VCAN: variants seen among roughly 807,000 people sequenced by gnomAD.
VCAN encodes the protein versican, also known as versican core protein.
VCAN carries 44 observed loss-of-function variants against 245.5 expected under a neutral mutation model. That is an observed-to-expected ratio of 0.18 (90% CI 0.14 to 0.23). VCAN has a LOEUF of 0.23. Ranked by LOEUF, VCAN falls within the 10% of genes least tolerant of loss-of-function variation. The pLI, the probability that VCAN is intolerant of heterozygous loss-of-function variation, is 1.00. For synonymous variants in VCAN, 1,413 were observed against 1,437.0 expected, an observed-to-expected ratio of 0.98 and a Z score of 0.38; for missense variants, 3,793 against 4,057.9, an observed-to-expected ratio of 0.93 and a Z score of 1.77.
chr5:83,488,812 T>A (rs1350007789), intron 2 of VCAN, among the ~76,000 whole-genome samples: 1 of 152,250 alleles, frequency 6.6e-6, no homozygotes, highest in East Asian at 1.9e-4. Flanking sequence ...TGATTTATAT[T>A]GTAAGTACAT....
chr5:83,483,233 C>T (rs747306422), intron 1 of VCAN, among the ~76,000 whole-genome samples: 2 of 152,228 alleles, frequency 1.3e-5, no homozygotes, highest in Non-Finnish European at 2.9e-5. Flanking sequence ...GGTTGTCACA[C>T]ACATCCACAT....
chr5:83,570,054 A>G (rs1748232213), intron 12 of VCAN, among the ~76,000 whole-genome samples: 1 of 152,072 alleles, frequency 6.6e-6, no homozygotes, highest in African/African-American at 2.4e-5. Context: ...AAGGGAAATA[A>G]TTAGAAACCC....
intron 5 of VCAN, among the ~76,000 whole-genome samples, chr5:83,504,597 G>A (rs1745428395): frequency 6.6e-6 from 1 of 152,000 alleles, no homozygotes; most frequent in Non-Finnish European, 1.5e-5. Flanking sequence ...GGCCAGTCTG[G>A]TCTCAAACTC....
chr5:83,514,428 A>G (rs1294025434), intron 6 of VCAN, among the ~76,000 whole-genome samples: 10 of 145,168 alleles, frequency 6.9e-5, no homozygotes, highest in Middle Eastern at 3.5e-3. Flanking sequence ...TTTAGTGTAT[A>G]TGTGTGTGTG....
At chr5:83,560,635 T>A (rs1320765289) in intron 12 of VCAN, among the ~76,000 whole-genome samples, 1 of 152,162 alleles carries the variant, frequency 6.6e-6, no homozygotes, top group African/African-American at 2.4e-5. Flanking sequence ...ATAGTGTCTA[T>A]GGGACAGCCC....
chr5:83,490,577 C>G (rs560598514), intron 3 of VCAN, 105 bp downstream of exon 3: 94 of 1,504,804 alleles, frequency 6.2e-5, no homozygotes, highest in Admixed American at 4.8e-4. Context: ...TTTGGATGAG[C>G]GGAAAAACAC....
At chr5:83,565,579 A>C (rs1748050293) in intron 12 of VCAN, among the ~76,000 whole-genome samples, 1 of 152,168 alleles carries the variant, frequency 6.6e-6, no homozygotes, top group South Asian at 2.1e-4. Context: ...GATTCTAAAC[A>C]GTGTCTGACT....
chr5:83,554,264 A>G (rs1747581061), intron 11 of VCAN, among the ~76,000 whole-genome samples: 1 of 152,176 alleles, frequency 6.6e-6, no homozygotes, highest in Non-Finnish European at 1.5e-5. Flanking sequence ...CTGCTTCCCA[A>G]AGTGCTGGGA....
rs376590033 is a variant in VCAN, at chr5:83,489,123, G to GTATATCTT, written c.71-975_71-974insTATATCTT. 9.3e-3 allele frequency among the ~76,000 whole-genome samples: 1,417 copies of GTATATCTT among 152,124 alleles called. 18 individuals are homozygous for GTATATCTT. Among genetic ancestry groups the GTATATCTT allele is most frequent in the East Asian group, 0.03 (156 of 5,176 alleles). ...AGTGTTAGATATACATCATTTTGTT[G>GTATATCTT]GTTAAAAAATCATTATTTCATTTCA... On this transcript the variant is annotated intron_variant, in intron 2 of 14. Transcript: ENST00000265077.
rs759886589 is a variant in VCAN, at chr5:83,542,059, T to C, written c.9056T>C (p.Ile3019Thr). ...EINPETQAAL[I>T]RGQDSTIAAS... Reference sequence around the variant, plus strand: ...AACCCTGAAACTCAAGCAGCTTTAATCAGAGGGCAGGATTCCACGATAGCA... The same window carrying C: ...AACCCTGAAACTCAAGCAGCTTTAACCAGAGGGCAGGATTCCACGATAGCA... The change falls in exon 8 of 15, where the codon ATC becomes ACC. Residue 3019 changes from isoleucine to threonine, a missense_variant. This residue lies in a region of VCAN where 3,182 missense variants were observed against 3,250.3 expected (regional missense o/e 0.98). Transcript: ENST00000265077. 6.2e-7 allele frequency: 1 copy of C among 1,612,940 alleles called. No homozygotes were observed. The highest frequency in any genetic ancestry group is 1.7e-5 in the Admixed American group (1 of 59,972).
chr5:83,567,365 A>C (rs938622504), intron 12 of VCAN, among the ~76,000 whole-genome samples: 1 of 152,004 alleles, frequency 6.6e-6, no homozygotes, highest in Non-Finnish European at 1.5e-5. Context: ...CAATGGTGCG[A>C]TCTTGGCTCA....
At position 83,540,417 on chromosome 5, in the gene VCAN, C is replaced by T. The variant is rs1374983739; in HGVS notation, c.7414C>T (p.Pro2472Ser). The change falls in exon 8 of 15, where the codon CCA (proline) becomes TCA (serine). Residue 2472 changes from proline (P) to serine (S), a missense_variant. Physicochemically the swap from Pro to Ser is moderately conservative, Grantham distance 74. Coordinates refer to ENST00000265077, the MANE Select transcript of VCAN (RefSeq NM_004385.5). ...DGSLEKHPEV[P>S]SAKAVTADGF... is the part of the protein sequence containing the mutation. ...GTCCCTGGAAAAACATCCTGAGGTG[C>T]CAAGCGCTAAAGCTGTTACTGCTGA... The T allele has an allele frequency of 5.0e-6, 8 of 1,613,960 alleles. No individual in the cohort carries two copies. The South Asian group carries it at 8.8e-5, about 18-fold the overall frequency.
rs781151320 is a variant in VCAN at position 83,538,275 on chromosome 5, A to G, written c.5272A>G (p.Ser1758Gly). 2.2e-5 allele frequency: 35 copies of G among 1,614,112 alleles called. No homozygotes were observed. In the East Asian group the frequency reaches 7.8e-4, roughly 36 times the overall value. Residue 1758 changes from serine to glycine, a missense_variant, in exon 8 of 15, where the codon AGT becomes GGT. By Grantham distance (56) the Ser-to-Gly change is moderately conservative. Around this residue, in one of 5 missense-constraint regions of VCAN, gnomAD observed 3,182 missense variants for 3,250.3 expected, o/e 0.98. Transcript: ENST00000265077. ...DQLILPFELE[S>G]PNVATSSDSG... ...ATTAATTTTACCCTTTGAATTAGAAAGTCCAAATGTAGCTACATCTAGTGA... is the reference window on the plus strand; with the variant it reads ...ATTAATTTTACCCTTTGAATTAGAAGGTCCAAATGTAGCTACATCTAGTGA...
chr5:83,488,779 A>G (rs1744869355), intron 2 of VCAN, among the ~76,000 whole-genome samples: 1 of 152,236 alleles, frequency 6.6e-6, no homozygotes, highest in Non-Finnish European at 1.5e-5. Flanking sequence ...AGCAATGGTT[A>G]TTATACATTT....
chr5:83,504,168 G>A (rs1425229520), intron 5 of VCAN, among the ~76,000 whole-genome samples: 2 of 152,076 alleles, frequency 1.3e-5, no homozygotes, highest in Non-Finnish European at 2.9e-5. Flanking sequence ...CTTACAACAT[G>A]TCTCCCGTTT....
chr5:83,552,696 T>G (rs1747515436), intron 10 of VCAN, among the ~76,000 whole-genome samples: 2 of 151,274 alleles, frequency 1.3e-5, no homozygotes, highest in South Asian at 4.2e-4. Context: ...AATGGGGGGG[T>G]GAGTTAAATA....
chr5:83,508,465 G>A lies in VCAN; in HGVS notation c.749-3638G>A, dbSNP rs529601173. Among the ~76,000 whole-genome samples the A allele has an allele frequency of 3.3e-5, 5 of 152,282 alleles. No homozygotes were observed. In the South Asian group the frequency reaches 1.0e-3, roughly 32 times the overall value. ...ACTTATCACGTTTGGTATAGATTGG[G>A]TGTTAGTTATAAGAGATTAAAGACA... On this transcript the variant is annotated intron_variant, in intron 5 of 14. Transcript: ENST00000265077.
rs1748645340 is a variant in VCAN, at chr5:83,580,768, A to G, written c.*334A>G. The G allele has an allele frequency of 8.6e-6, 3 of 350,118 alleles. No homozygotes were observed. The Admixed American group carries it at 1.2e-4, about 14-fold the overall frequency. 21.7% of individuals were successfully genotyped at this position (350,118 alleles called of 1,614,324 possible). On this transcript the variant is annotated 3_prime_UTR_variant, in exon 15 of 15. Coordinates refer to ENST00000265077, the MANE Select transcript of VCAN (RefSeq NM_004385.5). Reference sequence around the variant, plus strand: ...ATGCTCAATTTCAGCACCGATGGCCATGTAAATAAGATGATTTAATGTTGA... The same window carrying G: ...ATGCTCAATTTCAGCACCGATGGCCGTGTAAATAAGATGATTTAATGTTGA...
At chr5:83,499,530 A>G in intron 5 of VCAN, among the ~76,000 whole-genome samples, 1 of 152,148 alleles carries the variant, frequency 6.6e-6, no homozygotes, top group East Asian at 1.9e-4. Context: ...ATTCAAAAAG[A>G]TCTACTTTTT....
Sources: allele counts gnomAD v4.1 joint callset (sites outside exome capture counted in the v4.1 genomes callset), GRCh38; gene constraint gnomAD v4.1.1; regional missense constraint gnomAD v4.1.1; transcripts MANE v1.5; gene names NCBI Gene and HGNC (gene_info 2026-07-23, HGNC 2026-07-21).